Variants in TRANK1 observed in about 807,000 individuals in gnomAD.
TRANK1 encodes TPR and ankyrin repeat-containing protein 1.
In TRANK1, 198 loss-of-function variants were observed where a neutral mutation model predicts 266.0. That is an observed-to-expected ratio of 0.74 (90% CI 0.66 to 0.84). The LOEUF (loss-of-function observed/expected upper bound fraction) is 0.84. Ranked by LOEUF, TRANK1 falls within the 40% of genes least tolerant of loss-of-function variation. The pLI, the probability that TRANK1 is intolerant of heterozygous loss-of-function variation, is 0.00. For synonymous variants in TRANK1, 1,396 were observed against 1,384.1 expected (o/e 1.01, Z -0.19); for missense variants, 3,326 against 3,634.6 (o/e 0.92, Z 2.18).
chr3:36,905,744 G>A (rs766185958), intron 2 of TRANK1, among the ~76,000 whole-genome samples: 12 of 152,116 alleles, frequency 7.9e-5, no homozygotes, highest in Middle Eastern at 3.2e-3. Context: ...TATGATTCAT[G>A]CTCCAGAGCT....
chr3:36,908,967 T>C (rs922643393), intron 1 of TRANK1, among the ~76,000 whole-genome samples: 1 of 152,160 alleles, frequency 6.6e-6, no homozygotes, highest in Non-Finnish European at 1.5e-5. Context: ...ACATCACGTA[T>C]TGGTAAAAAC....
intron 1 of TRANK1, among the ~76,000 whole-genome samples, chr3:36,921,842 GTAA>G (rs1393154854): frequency 6.6e-6 from 1 of 152,146 alleles, no homozygotes; most frequent in African/African-American, 2.4e-5. Context: ...TCTGTTACTT[GTAA>G]CTAAAAGCAC....
At chr3:36,844,261 C>G (rs903890594) in intron 17 of TRANK1, among the ~76,000 whole-genome samples, 2 of 152,130 alleles carry the variant, frequency 1.3e-5, no homozygotes, top group Non-Finnish European at 2.9e-5. Context: ...GAGTCTTGCT[C>G]TATCACCCAG....
chr3:36,883,022 TTG>T (rs1237380074), intron 8 of TRANK1, among the ~76,000 whole-genome samples: 3 of 152,106 alleles, frequency 2.0e-5, no homozygotes, highest in Non-Finnish European at 4.4e-5. Context: ...CCCTCATACA[TTG>T]TCGGTGGTAA....
At chr3:36,935,172 C>T (rs2080407590) in intron 1 of TRANK1, among the ~76,000 whole-genome samples, 1 of 152,192 alleles carries the variant, frequency 6.6e-6, no homozygotes, top group Admixed American at 6.5e-5. Context: ...CTTTCTCCCT[C>T]CCTCCACTTT....
At chr3:36,884,799 G>A (rs895932900) in intron 8 of TRANK1, among the ~76,000 whole-genome samples, 2 of 152,070 alleles carry the variant, frequency 1.3e-5, no homozygotes, top group African/African-American at 4.8e-5. Context: ...TGAGCATGGT[G>A]GCACACACCT....
chr3:36,870,352 A>G (rs1205337496), intron 9 of TRANK1, among the ~76,000 whole-genome samples: 2 of 151,986 alleles, frequency 1.3e-5, no homozygotes, highest in Non-Finnish European at 2.9e-5. Flanking sequence ...GGTTGCAGTG[A>G]GCAGAGATTC....
intron 8 of TRANK1, among the ~76,000 whole-genome samples, chr3:36,883,102 A>C (rs1429463467): frequency 6.6e-6 from 1 of 152,208 alleles, no homozygotes; most frequent in East Asian, 1.9e-4. Context: ...ATAAGCATTT[A>C]TACATATGAA....
At chr3:36,904,943 A>G (rs1358997473) in intron 2 of TRANK1, among the ~76,000 whole-genome samples, 2 of 151,800 alleles carry the variant, frequency 1.3e-5, no homozygotes, top group African/African-American at 2.4e-5. Flanking sequence ...CCAGGAAGTT[A>G]CACCCATACT....
rs1438891372 is a variant in TRANK1 at position 36,838,772 on chromosome 3, C to A, written c.5281-56G>T. 3 of 1,531,968 alleles carry A rather than the reference C, an allele frequency of 2.0e-6. No homozygotes were observed. In the East Asian group the frequency reaches 7.0e-5, roughly 36 times the overall value. 94.9% of individuals were successfully genotyped at this position (1,531,968 alleles called of 1,614,324 possible). A position where few individuals can be genotyped will look rare whatever the true frequency, so the allele number is the denominator to read the frequency against. On this transcript the variant is annotated intron_variant, in intron 18 of 23. Transcript: ENST00000645898. Reference sequence around the variant, plus strand: ...AAGGTAATGGAGGTAACAGACAGAACAACGGTTAAAGCATGCATTATAAGT... The same window carrying A: ...AAGGTAATGGAGGTAACAGACAGAAAAACGGTTAAAGCATGCATTATAAGT...
At position 36,864,445 on chromosome 3, in the gene TRANK1, C is replaced by T. The variant is rs758513905; in HGVS notation, c.1114G>A (p.Asp372Asn). The T allele has an allele frequency of 3.4e-5, 53 of 1,536,390 alleles. No individual in the cohort carries two copies. Among genetic ancestry groups the T allele is most frequent in the African/African-American group, 2.1e-4 (15 of 73,122 alleles). ...TGCTCCAAGACCTTCCTGAAAATGTCGTTTTCACTAGTGGGTCCATCACCA... is the reference window on the plus strand; with the variant it reads ...TGCTCCAAGACCTTCCTGAAAATGTTGTTTTCACTAGTGGGTCCATCACCA... ...SNGDGPTSEN[D>N]IFRKVLEQLV... Residue 372 changes from aspartate to asparagine, a missense_variant, in exon 10 of 24, where the codon GAC becomes AAC. By Grantham distance (23) the Asp-to-Asn change is conservative. Transcript: ENST00000645898.
intron 3 of TRANK1, 50 bp downstream of exon 3, chr3:36,903,099 C>T (rs1205245035): frequency 1.3e-6 from 2 of 1,519,610 alleles, no homozygotes; most frequent in Admixed American, 4.0e-5. Flanking sequence ...CATCCACCAC[C>T]CCAATACTCT....
chr3:36,906,730 T>C (rs759385367), intron 2 of TRANK1, among the ~76,000 whole-genome samples: 4 of 152,152 alleles, frequency 2.6e-5, no homozygotes, highest in Non-Finnish European at 4.4e-5. Context: ...CACTCAAAGC[T>C]GAGAAAGGCA....
At position 36,832,333 on chromosome 3, in the gene TRANK1, A is replaced by G; in HGVS notation, c.7250T>C (p.Phe2417Ser). ...GTCTTCTGGGTTCCTGTACACGTAG[A>G]ATTGATCAATGCAATTCTCCAGAAG... Reference protein sequence around the residue: ...IRLLENCIDQFYVYRNPEDYK... With the variant: ...IRLLENCIDQSYVYRNPEDYK... The change falls in exon 22 of 24, where the codon TTC (phenylalanine) becomes TCC (serine). Residue 2417 changes from phenylalanine (F) to serine (S), a missense_variant. Transcript: ENST00000645898. The G allele has an allele frequency of 5.0e-6, 8 of 1,613,976 alleles. No homozygotes were observed. The highest frequency in any genetic ancestry group is 5.9e-6 in the Non-Finnish European group (7 of 1,179,884).
intron 9 of TRANK1, among the ~76,000 whole-genome samples, chr3:36,866,954 C>T (rs1160961308): frequency 6.6e-6 from 1 of 152,164 alleles, no homozygotes; most frequent in African/African-American, 2.4e-5. Flanking sequence ...TCATTGCCCA[C>T]TCTAATCAAG....
intron 8 of TRANK1, among the ~76,000 whole-genome samples, chr3:36,886,288 C>A (rs1052762883): frequency 6.6e-6 from 1 of 151,488 alleles, no homozygotes; most frequent in Non-Finnish European, 1.5e-5. Flanking sequence ...GTGCCCACCA[C>A]CACTCCCAGT....
intron 2 of TRANK1, 24 bp from the exon 3 acceptor site, chr3:36,903,299 G>A: frequency 6.5e-7 from 1 of 1,533,206 alleles, no homozygotes. Flanking sequence ...CCGGTGGTCT[G>A]TCATGGTTCT....
chr3:36,898,760 A>C (rs550213655), intron 4 of TRANK1, among the ~76,000 whole-genome samples: 2 of 151,324 alleles, frequency 1.3e-5, no homozygotes, highest in African/African-American at 4.8e-5. Context: ...CTGAGGCAGG[A>C]GGATCACTTG....
chr3:36,864,982 A>G (rs1283540652), intron 9 of TRANK1, among the ~76,000 whole-genome samples: 1 of 152,068 alleles, frequency 6.6e-6, no homozygotes, highest in Non-Finnish European at 1.5e-5. Flanking sequence ...TCAGGAGCCA[A>G]ATAAATGCTT....
Sources: gnomAD v4.1 joint callset for allele counts (sites outside exome capture counted in the v4.1 genomes callset) on GRCh38, gnomAD v4.1.1 for gene constraint, MANE v1.5 for transcripts, NCBI Gene and HGNC (gene_info 2026-07-23, HGNC 2026-07-21) for gene names.